ARNT2: variants seen among roughly 807,000 people sequenced by gnomAD.
ARNT2 encodes aryl hydrocarbon receptor nuclear translocator 2, also known as ARNT protein 2.
Under a neutral mutation model 91.7 loss-of-function variants are expected in ARNT2, and 36 were observed. The observed-to-expected ratio is 0.39, with a 90% confidence interval of 0.30 to 0.52. ARNT2 has a LOEUF of 0.52. Among genes scored for constraint, ARNT2 ranks in the 20% least tolerant of loss-of-function variants. The probability of loss-of-function intolerance (pLI) is 0.72; values close to 1 mark genes in which losing one functional copy is unlikely to be tolerated. For synonymous variants in ARNT2, 365 were observed against 347.1 expected (o/e 1.05, Z -0.57); for missense variants, 775 against 939.3 (o/e 0.83, Z 2.29).
At chr15:80,475,949 A>G (rs1896797238) in intron 5 of ARNT2, among the ~76,000 whole-genome samples, 1 of 152,252 alleles carries the variant, frequency 6.6e-6, no homozygotes, top group African/African-American at 2.4e-5. Flanking sequence ...ACTGCAGTAT[A>G]CACAATCATG....
chr15:80,580,637 G>A, intron 16 of ARNT2, 88 bp downstream of exon 16: 1 of 1,558,222 alleles, frequency 6.4e-7, no homozygotes, highest in Non-Finnish European at 8.7e-7. Flanking sequence ...CGGTTCTGAG[G>A]ATGGGTCGGC....
intron 12 of ARNT2, among the ~76,000 whole-genome samples, chr15:80,571,978 A>T (rs748507591): frequency 8.5e-5 from 13 of 152,182 alleles, no homozygotes; most frequent in Non-Finnish European, 1.2e-4. Context: ...GGATGAGATA[A>T]TGTAAACACC....
intron 1 of ARNT2, among the ~76,000 whole-genome samples, chr15:80,405,908 G>A (rs532383528): frequency 6.8e-6 from 1 of 146,158 alleles, no homozygotes. Context: ...GAGAGACAGA[G>A]AGAGAGAGAG....
chr15:80,522,822 A>G (rs373580987), intron 8 of ARNT2, among the ~76,000 whole-genome samples: 2,043 of 100,292 alleles, frequency 0.02, 42 homozygotes, highest in African/African-American at 0.066. Flanking sequence ...GTGTGTGTGT[A>G]TATATATATA....
Position 80,593,928 on chromosome 15 carries a change from T to C in ARNT2, c.*230T>C. 1.8e-6 allele frequency: 1 copy of C among 545,652 alleles called. No individual in the cohort carries two copies. Among genetic ancestry groups the C allele is most frequent in the Non-Finnish European group, 3.3e-6 (1 of 305,596 alleles). 33.8% of individuals were successfully genotyped at this position (545,652 alleles called of 1,614,324 possible). A position where few individuals can be genotyped will look rare whatever the true frequency, so the allele number is the denominator to read the frequency against. On this transcript the variant is annotated 3_prime_UTR_variant, in exon 19 of 19. Transcript: ENST00000303329. ...GCAGACATTAGGGGATCAGTTGTATTTATTGTATTTTATCTGTGTGTGCTC... is the reference window on the plus strand; with the variant it reads ...GCAGACATTAGGGGATCAGTTGTATCTATTGTATTTTATCTGTGTGTGCTC...
chr15:80,516,562 T>G (rs1010748989), intron 8 of ARNT2, among the ~76,000 whole-genome samples: 1 of 151,976 alleles, frequency 6.6e-6, no homozygotes, highest in East Asian at 1.9e-4. Flanking sequence ...TGCCTTTATA[T>G]TTAAAGTTGG....
chr15:80,433,845 C>T (rs756232764), intron 1 of ARNT2: 3 of 152,040 alleles, frequency 2.0e-5, no homozygotes, highest in Admixed American at 6.6e-5. Context: ...TATGGACAGC[C>T]GTGTAGATAT....
rs754617109 is a variant in ARNT2, at chr15:80,576,902, G to A, written c.1550G>A (p.Gly517Glu). 2 of 1,614,110 alleles carry A rather than the reference G, an allele frequency of 1.2e-6. No homozygotes were observed. The highest frequency in any genetic ancestry group is 2.2e-5 in the East Asian group (1 of 44,874). Residue 517 changes from glycine (G) to glutamate (E), a missense_variant, in exon 15 of 19, where the codon GGA (glycine) becomes GAA (glutamate). Physicochemically the swap from Gly to Glu is moderately conservative, Grantham distance 98. Coordinates refer to ENST00000303329, the MANE Select transcript of ARNT2 (RefSeq NM_014862.4). The part of the protein sequence containing the change: ...KKMMSSASAA[G>E]TQQIYSQGSP... ...ATGATGAGCTCAGCCTCTGCAGCAG[G>A]AACCCAGCAGATCTACTCCCAAGGA... is the stretch of plus-strand genomic sequence containing the variant.
At chr15:80,577,238 G>A (rs574927539) in intron 15 of ARNT2, among the ~76,000 whole-genome samples, 4 of 152,322 alleles carry the variant, frequency 2.6e-5, no homozygotes, top group African/African-American at 9.6e-5. Flanking sequence ...AGAAGGGAGT[G>A]AGTTCCCTCT....
chr15:80,588,726 G>A (rs1371682535), intron 17 of ARNT2, among the ~76,000 whole-genome samples: 2 of 151,932 alleles, frequency 1.3e-5, no homozygotes, highest in African/African-American at 2.4e-5. Flanking sequence ...GCCCTATACC[G>A]GATTAATTAC....
intron 1 of ARNT2, among the ~76,000 whole-genome samples, chr15:80,424,895 A>G (rs1002926745): frequency 3.3e-5 from 5 of 152,218 alleles, no homozygotes; most frequent in South Asian, 2.1e-4. Context: ...GGGGCTGCCT[A>G]TATCTATGGC....
chr15:80,571,327 T>C (rs1898579868), intron 12 of ARNT2, among the ~76,000 whole-genome samples: 1 of 152,184 alleles, frequency 6.6e-6, no homozygotes, highest in Non-Finnish European at 1.5e-5. Flanking sequence ...CTTGTGTGCA[T>C]TTGCTTCTTA....
chr15:80,540,300 T>C (rs1361708542), intron 8 of ARNT2, among the ~76,000 whole-genome samples: 1 of 152,242 alleles, frequency 6.6e-6, no homozygotes, highest in Non-Finnish European at 1.5e-5. Context: ...CAGTTTCTCG[T>C]ATCTTCACTA....
chr15:80,443,147 G>T (rs1301448403), intron 1 of ARNT2: 2 of 529,110 alleles, frequency 3.8e-6, no homozygotes, highest in African/African-American at 4.1e-5. Context: ...AGGAACTAAT[G>T]AGGTGAAGAG....
Position 80,470,478 on chromosome 15 carries a change from C to G in ARNT2, c.408+47C>G, listed in dbSNP as rs142218578. ...CATTGGAAAGCGGGGGGAATCCCAG[C>G]GTCACCAAGACGAAATAAACTACGT... On this transcript the variant is annotated intron_variant, in intron 4 of 18. Transcript: ENST00000303329. 86 of 1,588,944 alleles carry G rather than the reference C, an allele frequency of 5.4e-5. No individual in the cohort carries two copies. The Middle Eastern group carries it at 8.8e-4, about 16-fold the overall frequency.
At chr15:80,484,180 G>T (rs1275817639) in intron 5 of ARNT2, among the ~76,000 whole-genome samples, 1 of 144,140 alleles carries the variant, frequency 6.9e-6, no homozygotes, top group African/African-American at 2.7e-5. Context: ...ATATAAATGT[G>T]GCAAAAAAAA....
At chr15:80,433,805 T>G (rs905413525) in intron 1 of ARNT2, 1 of 152,198 alleles carries the variant, frequency 6.6e-6, no homozygotes, top group Non-Finnish European at 1.5e-5. Context: ...CAGAGGAAAC[T>G]GACCATTTTT....
At chr15:80,516,828 A>AACATATATATATATATATATAT (rs1555411355) in intron 8 of ARNT2, among the ~76,000 whole-genome samples, 3 of 74,800 alleles carry the variant, frequency 4.0e-5, no homozygotes, top group Non-Finnish European at 5.3e-5. Flanking sequence ...TACAATTACA[A>AACATATATATATATATATATAT]ATATATATAT....
chr15:80,442,870 A>C, intron 1 of ARNT2: 2 of 985,264 alleles, frequency 2.0e-6, no homozygotes, highest in Non-Finnish European at 2.4e-6. Flanking sequence ...GTTTTTTAGA[A>C]TTTTCCCTTT....
Sources: gnomAD v4.1 joint callset for allele counts (sites outside exome capture counted in the v4.1 genomes callset) on GRCh38, gnomAD v4.1.1 for gene constraint, MANE v1.5 for transcripts, NCBI Gene and HGNC (gene_info 2026-07-23, HGNC 2026-07-21) for gene names.